TBC1D19: variants seen among roughly 807,000 people sequenced by gnomAD.
TBC1D19 encodes the protein TBC1 domain family member 19, also known as TBC1 domain family, member 19.
Under a neutral mutation model 89.0 loss-of-function variants are expected in TBC1D19, and 60 were observed. The observed-to-expected ratio is 0.67, with a 90% CI of 0.55 to 0.84. The LOEUF (loss-of-function observed/expected upper bound fraction) is 0.84. Ranked by LOEUF, TBC1D19 falls within the 40% of genes least tolerant of loss-of-function variation. TBC1D19 has a pLI of 0.00. For missense variants in TBC1D19, 500 were observed against 610.8 expected, an observed-to-expected ratio of 0.82 and a Z score of 1.91; for synonymous variants, 189 against 199.7, an observed-to-expected ratio of 0.95 and a Z score of 0.45.
the TBC1D19 span, among the ~76,000 whole-genome samples, chr4:26,829,220 C>T: frequency 2.0e-5 from 3 of 152,180 alleles, no homozygotes; most frequent in Admixed American, 2.0e-4. Context: ...ATGGGAAAAA[C>T]CTTATCGCAG....
At chr4:26,594,950 T>A (rs1421886283) in intron 1 of TBC1D19, among the ~76,000 whole-genome samples, 1 of 152,236 alleles carries the variant, frequency 6.6e-6, no homozygotes, top group African/African-American at 2.4e-5. Flanking sequence ...CCATGTTAGG[T>A]AAATACCAAA....
At chr4:26,791,917 C>T in the TBC1D19 span, among the ~76,000 whole-genome samples, 2 of 152,160 alleles carry the variant, frequency 1.3e-5, no homozygotes, top group Non-Finnish European at 2.9e-5. Context: ...TGGAAGTTGT[C>T]AGCCTATAGA....
intron 17 of TBC1D19, among the ~76,000 whole-genome samples, chr4:26,741,814 C>T (rs565352441): frequency 6.6e-6 from 1 of 152,286 alleles, no homozygotes; most frequent in East Asian, 1.9e-4. Flanking sequence ...AGACTTTATT[C>T]AGAGTTGTCA....
intron 12 of TBC1D19, among the ~76,000 whole-genome samples, chr4:26,686,885 T>C (rs1299345136): frequency 6.6e-6 from 1 of 152,186 alleles, no homozygotes; most frequent in Non-Finnish European, 1.5e-5. Flanking sequence ...AACAGCCTGG[T>C]TGAATTTTAT....
chr4:26,584,086 T>G lies in TBC1D19; in HGVS notation c.-108T>G. ...GTAACGCCCGCTGGAGGAGTCCCAGTGTAATAAGGTCCCGGAGAAGTGTCA... is the reference window on the plus strand; with the variant it reads ...GTAACGCCCGCTGGAGGAGTCCCAGGGTAATAAGGTCCCGGAGAAGTGTCA... On this transcript the variant is annotated 5_prime_UTR_variant, in exon 1 of 21. Transcript: ENST00000264866. 2 of 1,076,996 alleles carry G rather than the reference T, an allele frequency of 1.9e-6. No homozygotes were observed. Among genetic ancestry groups the G allele is most frequent in the Non-Finnish European group, 2.7e-6 (2 of 729,664 alleles). The allele number at this position is 1,076,996 out of a possible 1,614,324, so 66.7% of individuals were successfully genotyped here. A position where few individuals can be genotyped will look rare whatever the true frequency, so the allele number is the denominator to read the frequency against.
intron 12 of TBC1D19, among the ~76,000 whole-genome samples, chr4:26,684,764 GA>G (rs1341196669): frequency 3.3e-5 from 5 of 152,162 alleles, no homozygotes; most frequent in Non-Finnish European, 7.4e-5. Flanking sequence ...TTGAGGACCT[GA>G]AAATGTGTCT....
chr4:26,610,779 CGTT>C (rs1007293592), intron 1 of TBC1D19, among the ~76,000 whole-genome samples: 6 of 151,890 alleles, frequency 4.0e-5, no homozygotes, highest in African/African-American at 7.3e-5. Context: ...GACGTGATCT[CGTT>C]GTTTTTTATG....
In TBC1D19 at chr4:26,584,292, GGTAA is replaced by G. The variant is rs1473711085; in HGVS notation, c.99+3_99+6del. 4.4e-6 allele frequency: 7 copies of G among 1,607,432 alleles called. No homozygotes were observed. The highest frequency in any genetic ancestry group is 5.9e-6 in the Non-Finnish European group (7 of 1,177,390). On this transcript the variant is annotated splice_donor_variant and splice_donor_region_variant and intron_variant, in intron 1 of 20. Coordinates refer to ENST00000264866, the MANE Select transcript of TBC1D19 (RefSeq NM_018317.4). LOFTEE classifies it high-confidence loss of function. ...ACTCTCAGCTGGAACGGCAGGCCTG[GGTAA>G]GTGAGGCCGAGTGGGAAGGGATGCA... is the stretch of plus-strand genomic sequence containing the variant.
chr4:26,723,514 C>G (rs1386781817), intron 15 of TBC1D19, among the ~76,000 whole-genome samples: 4 of 152,122 alleles, frequency 2.6e-5, no homozygotes, highest in Non-Finnish European at 5.9e-5. Flanking sequence ...ACCACTACCC[C>G]CAACATGCCT....
intron 13 of TBC1D19, among the ~76,000 whole-genome samples, chr4:26,707,945 A>C (rs1715862942): frequency 6.6e-6 from 1 of 152,118 alleles, no homozygotes; most frequent in Admixed American, 6.6e-5. Flanking sequence ...TGCAATCCAA[A>C]GTTACAATAA....
At chr4:26,744,512 A>G (rs1718540023) in intron 18 of TBC1D19, among the ~76,000 whole-genome samples, 1 of 151,848 alleles carries the variant, frequency 6.6e-6, no homozygotes, top group African/African-American at 2.4e-5. Flanking sequence ...TATAAGCATT[A>G]ATGTTACAGA....
At position 26,584,116 on chromosome 4, in the gene TBC1D19, C is replaced by A. The variant is rs979734772; in HGVS notation, c.-78C>A. 2.8e-6 allele frequency: 4 copies of A among 1,417,318 alleles called. No individual in the cohort carries two copies. Among genetic ancestry groups the A allele is most frequent in the Non-Finnish European group, 3.9e-6 (4 of 1,022,444 alleles). The allele number at this position is 1,417,318 out of a possible 1,614,324, so 87.8% of individuals were successfully genotyped here. ...TAAGGTCCCGGAGAAGTGTCACTGG[C>A]CCTGAGTGGGACCCGGTAGCCCGTT... is the stretch of plus-strand genomic sequence containing the variant. On this transcript the variant is annotated 5_prime_UTR_variant, in exon 1 of 21. Coordinates refer to ENST00000264866, the MANE Select transcript of TBC1D19 (RefSeq NM_018317.4).
At chr4:26,699,994 C>G (rs1715179650) in intron 13 of TBC1D19, among the ~76,000 whole-genome samples, 1 of 151,012 alleles carries the variant, frequency 6.6e-6, no homozygotes, top group African/African-American at 2.4e-5. Context: ...CACATGTACC[C>G]TAGAACTTAA....
At chr4:26,673,013 A>G (rs1479789624) in intron 10 of TBC1D19, among the ~76,000 whole-genome samples, 5 of 151,866 alleles carry the variant, frequency 3.3e-5, no homozygotes, top group Non-Finnish European at 7.4e-5. Context: ...TTGTTTTGAT[A>G]TGTCTTTTTT....
chr4:26,641,378 C>G (rs1743508672), intron 7 of TBC1D19, among the ~76,000 whole-genome samples: 1 of 152,144 alleles, frequency 6.6e-6, no homozygotes, highest in Admixed American at 6.5e-5. Context: ...GGAATAGCAT[C>G]AACATCAACA....
chr4:26,642,963 T>A (rs919141386), intron 7 of TBC1D19, among the ~76,000 whole-genome samples: 4 of 152,088 alleles, frequency 2.6e-5, no homozygotes. Context: ...AGACTTAGAC[T>A]CCCACACAAT....
the TBC1D19 span, among the ~76,000 whole-genome samples, chr4:26,845,593 A>G: frequency 6.6e-6 from 1 of 152,124 alleles, no homozygotes; most frequent in Non-Finnish European, 1.5e-5. Context: ...AAATTTGACT[A>G]TTCTAGGTAT....
intron 13 of TBC1D19, among the ~76,000 whole-genome samples, chr4:26,707,010 G>A (rs955374791): frequency 2.0e-5 from 3 of 151,358 alleles, no homozygotes; most frequent in Non-Finnish European, 4.4e-5. Context: ...GTAGTTCTTG[G>A]GTAAAGTGTT....
At chr4:26,857,336 C>T in the TBC1D19 span, among the ~76,000 whole-genome samples, 1 of 152,226 alleles carries the variant, frequency 6.6e-6, no homozygotes, top group Non-Finnish European at 1.5e-5. Flanking sequence ...CTCTGAGGGG[C>T]TTCACCATCA....
Sources: gnomAD v4.1 joint callset for allele counts (sites outside exome capture counted in the v4.1 genomes callset) on GRCh38, gnomAD v4.1.1 for gene constraint, MANE v1.5 for transcripts, NCBI Gene and HGNC (gene_info 2026-07-23, HGNC 2026-07-21) for gene names.